Variants in UBE2E1 observed in about 807,000 individuals in gnomAD.
UBE2E1 encodes the protein ubiquitin conjugating enzyme E2 E1.
In UBE2E1, 6 loss-of-function variants were observed where a neutral mutation model predicts 21.4. The ratio of observed to expected loss-of-function variants is 0.28; its 90% CI spans 0.15 to 0.55. The LOEUF is 0.55. UBE2E1 is among the 20% of genes least tolerant of loss of function. UBE2E1 has a pLI of 0.93. For missense variants in UBE2E1, 142 were observed against 236.5 expected, an observed-to-expected ratio of 0.60 and a Z score of 2.62; for synonymous variants, 87 against 82.7, an observed-to-expected ratio of 1.05 and a Z score of -0.28.
rs1699517325 is a variant in UBE2E1, at chr3:23,816,386, T to G, written c.203+4876T>G. The stretch of plus-strand genomic sequence containing the variant: ...TAAAAAGGAATGAAGTTGTGATGCA[T>G]GGATACAACATGGTTGAACCTTAAT... On this transcript the variant is annotated intron_variant, in intron 3 of 5. Coordinates refer to ENST00000306627, the MANE Select transcript of UBE2E1 (RefSeq NM_003341.5). The surrounding 1 kb of genome is among the most constrained non-coding windows in gnomAD (Gnocchi z 4.8). Among the ~76,000 whole-genome samples, 1 of 152,198 alleles carries G rather than the reference T, an allele frequency of 6.6e-6. No homozygotes were observed. The highest frequency in any genetic ancestry group is 1.5e-5 in the Non-Finnish European group (1 of 68,030).
intron 3 of UBE2E1, among the ~76,000 whole-genome samples, chr3:23,865,805 C>T (rs963259342): frequency 7.2e-5 from 11 of 152,192 alleles, no homozygotes; most frequent in African/African-American, 2.4e-4. Flanking sequence ...AAGCCAGTTT[C>T]GTGCCTGACC....
intron 3 of UBE2E1, among the ~76,000 whole-genome samples, chr3:23,846,499 C>T (rs1014900754): frequency 1.3e-5 from 2 of 152,078 alleles, no homozygotes; most frequent in Non-Finnish European, 2.9e-5. Flanking sequence ...GAGTTTGAAA[C>T]CAGCTGGCCA....
At position 23,853,718 on chromosome 3, in the gene UBE2E1, G is replaced by A. The variant is rs1410201905; in HGVS notation, c.204-33849G>A. On this transcript the variant is annotated intron_variant, in intron 3 of 5. Transcript: ENST00000306627. This position sits in a 1 kb window ranked among gnomAD's most constrained non-coding sequence, Gnocchi z 4.1. ...GGTGAAAATAACTACATGTACACCT[G>A]TAGTCTTGCTTTGTACAGGTTTTGC... Among the ~76,000 whole-genome samples the A allele has an allele frequency of 6.6e-6, 1 of 152,116 alleles. No homozygotes were observed. Among genetic ancestry groups the A allele is most frequent in the Non-Finnish European group, 1.5e-5 (1 of 68,032 alleles).
intron 3 of UBE2E1, among the ~76,000 whole-genome samples, chr3:23,845,579 C>CTGTGTGTGTGTG (rs1447535869): frequency 1.4e-4 from 7 of 51,704 alleles, no homozygotes; most frequent in Admixed American, 1.0e-3. Context: ...CTCTCTCTCT[C>CTGTGTGTGTGTG]TCTCTCTCTC....
intron 3 of UBE2E1, among the ~76,000 whole-genome samples, chr3:23,825,897 C>T (rs1018508625): frequency 1.8e-4 from 27 of 152,032 alleles, no homozygotes; most frequent in African/African-American, 6.5e-4. Flanking sequence ...AGAGAGAAGG[C>T]AGGTGCAGTG....
At chr3:23,846,021 C>T (rs185820406) in intron 3 of UBE2E1, among the ~76,000 whole-genome samples, 18 of 152,226 alleles carry the variant, frequency 1.2e-4, no homozygotes, top group African/African-American at 4.1e-4. Flanking sequence ...AGTTTGCCAA[C>T]TCTTGCTCCT....
At chr3:23,885,871 CAAAA>C (rs199858555) in intron 3 of UBE2E1, among the ~76,000 whole-genome samples, 1 of 150,384 alleles carries the variant, frequency 6.6e-6, no homozygotes, top group Admixed American at 6.6e-5. Context: ...AAAAAACAAA[CAAAA>C]AAAACAAAAC....
intron 3 of UBE2E1, among the ~76,000 whole-genome samples, chr3:23,824,109 G>A (rs959268764): frequency 1.3e-5 from 2 of 152,132 alleles, no homozygotes; most frequent in Non-Finnish European, 2.9e-5. Context: ...TTGTAGATGC[G>A]GGGATTTCTA....
chr3:23,868,828 C>CA (rs891164450), intron 3 of UBE2E1, among the ~76,000 whole-genome samples: 1 of 151,636 alleles, frequency 6.6e-6, no homozygotes, highest in Non-Finnish European at 1.5e-5. Context: ...TTATATCTTA[C>CA]AAAAATGTTT....
intron 3 of UBE2E1, among the ~76,000 whole-genome samples, chr3:23,843,325 T>C (rs1005825188): frequency 2.6e-5 from 4 of 152,170 alleles, no homozygotes; most frequent in African/African-American, 9.7e-5. Context: ...TGTTAAATAT[T>C]TGTTGACATT....
At chr3:23,843,032 A>AT (rs1700127658) in intron 3 of UBE2E1, among the ~76,000 whole-genome samples, 1 of 151,742 alleles carries the variant, frequency 6.6e-6, no homozygotes, top group Non-Finnish European at 1.5e-5. Context: ...TACATATAAA[A>AT]ATATATATTA....
chr3:23,889,284 G>A (rs1317404519), intron 5 of UBE2E1, 25 bp downstream of exon 5: 3 of 1,613,000 alleles, frequency 1.9e-6, no homozygotes, highest in Non-Finnish European at 2.5e-6. Flanking sequence ...TCTTTACCTT[G>A]TTTTATTCTT....
chr3:23,819,738 T>G (rs1699606703), intron 3 of UBE2E1, among the ~76,000 whole-genome samples: 1 of 152,244 alleles, frequency 6.6e-6, no homozygotes, highest in Non-Finnish European at 1.5e-5. Flanking sequence ...TTTACAGCTG[T>G]CCATTGCTGG....
At chr3:23,886,295 C>G (rs1425878886) in intron 3 of UBE2E1, among the ~76,000 whole-genome samples, 1 of 152,168 alleles carries the variant, frequency 6.6e-6, no homozygotes, top group Non-Finnish European at 1.5e-5. Context: ...TGATCACTGC[C>G]GTTTAATGAG....
At chr3:23,820,193 A>G (rs577077371) in intron 3 of UBE2E1, among the ~76,000 whole-genome samples, 2 of 152,354 alleles carry the variant, frequency 1.3e-5, no homozygotes, top group East Asian at 3.9e-4. Context: ...ATTCTTATTC[A>G]GCCTCTTTTA....
intron 3 of UBE2E1, among the ~76,000 whole-genome samples, chr3:23,826,842 T>G (rs1339293917): frequency 6.6e-6 from 1 of 152,184 alleles, no homozygotes; most frequent in Non-Finnish European, 1.5e-5. Context: ...TATTTTAAAC[T>G]TTAGGTACTA....
At chr3:23,872,821 A>T (rs1018418792) in intron 3 of UBE2E1, among the ~76,000 whole-genome samples, 1 of 152,208 alleles carries the variant, frequency 6.6e-6, no homozygotes, top group African/African-American at 2.4e-5. Flanking sequence ...GATCGAGACC[A>T]TCCTGGCTAA....
chr3:23,806,787 G>A lies in UBE2E1; in HGVS notation c.-33-450G>A, dbSNP rs1373352698. On this transcript the variant is annotated intron_variant, in intron 1 of 5. Transcript: ENST00000306627. The surrounding 1 kb of genome is among the most constrained non-coding windows in gnomAD (Gnocchi z 6.5). Reference sequence around the variant, plus strand: ...CCGCCCCTCCTCTCTTCCCGACCTCGCCAAACTCCGCTCGTGGCCCCACAG... The same window carrying A: ...CCGCCCCTCCTCTCTTCCCGACCTCACCAAACTCCGCTCGTGGCCCCACAG... The A allele has an allele frequency of 6.8e-6, 1 of 148,070 alleles. No homozygotes were observed. The highest frequency in any genetic ancestry group is 1.5e-5 in the Non-Finnish European group (1 of 67,624). 9.2% of individuals were successfully genotyped at this position (148,070 alleles called of 1,614,324 possible).
chr3:23,810,532 C>T lies in UBE2E1; in HGVS notation c.153-928C>T. 2.6e-6 allele frequency: 4 copies of T among 1,534,554 alleles called. No homozygotes were observed. The highest frequency in any genetic ancestry group is 2.4e-5 in the South Asian group (2 of 83,976). ...GAGGACGCCCGGGGAAAAGCAGGTC[C>T]GGGGAGGTGGGCCGAGAGTCCCGGC... is the stretch of plus-strand genomic sequence containing the variant. On this transcript the variant is annotated intron_variant, in intron 2 of 5. Transcript: ENST00000306627. This position sits in a 1 kb window ranked among gnomAD's most constrained non-coding sequence, Gnocchi z 5.8.
Sources: allele counts gnomAD v4.1 joint callset (sites outside exome capture counted in the v4.1 genomes callset), GRCh38; gene constraint gnomAD v4.1.1; non-coding constraint Gnocchi (gnomAD v3.1); transcripts MANE v1.5; gene names NCBI Gene and HGNC (gene_info 2026-07-23, HGNC 2026-07-21).